Variants in CTNNA3 observed in about 807,000 individuals in gnomAD.
The protein encoded by CTNNA3 is catenin alpha-3.
Under a neutral mutation model 95.7 loss-of-function variants are expected in CTNNA3, and 76 were observed. The observed-to-expected ratio is 0.79, with a 90% CI of 0.66 to 0.96. The LOEUF is 0.96. Among genes scored for constraint, CTNNA3 ranks in the 40% least tolerant of loss-of-function variants. The probability of loss-of-function intolerance (pLI) is 0.00; values close to 1 mark genes in which losing one functional copy is unlikely to be tolerated. For missense variants in CTNNA3, 1,191 were observed against 1,089.8 expected, an observed-to-expected ratio of 1.09 and a Z score of -1.31; for synonymous variants, 431 against 374.4, an observed-to-expected ratio of 1.15 and a Z score of -1.74.
At chr10:66,311,866 C>T (rs1027733783) in intron 12 of CTNNA3, among the ~76,000 whole-genome samples, 1 of 152,078 alleles carries the variant, frequency 6.6e-6, no homozygotes, top group Admixed American at 6.6e-5. Context: ...ATCTCCTGAC[C>T]CTTACGTAGA....
At chr10:67,278,563 A>G (rs1839276463) in intron 5 of CTNNA3, among the ~76,000 whole-genome samples, 1 of 152,134 alleles carries the variant, frequency 6.6e-6, no homozygotes, top group South Asian at 2.1e-4. Flanking sequence ...GATTGTGGAG[A>G]CCAAGTTTTA....
intron 7 of CTNNA3, among the ~76,000 whole-genome samples, chr10:66,958,444 G>C (rs147623330): frequency 1.9e-4 from 23 of 121,592 alleles, no homozygotes; most frequent in Middle Eastern, 3.8e-3. Flanking sequence ...TTCTGCCTTT[G>C]TAGAAAAATA....
chr10:67,047,157 T>C (rs1035421624), intron 7 of CTNNA3, among the ~76,000 whole-genome samples: 10 of 152,180 alleles, frequency 6.6e-5, no homozygotes, highest in African/African-American at 2.2e-4. Context: ...ATATAGAATC[T>C]CTAGTACAAT....
At chr10:66,405,412 T>C (rs1425214709) in intron 11 of CTNNA3, among the ~76,000 whole-genome samples, 1 of 152,168 alleles carries the variant, frequency 6.6e-6, no homozygotes, top group African/African-American at 2.4e-5. Context: ...AAGAAAAATA[T>C]GTCGAATAGA....
chr10:67,150,993 A>G (rs904513901), intron 7 of CTNNA3, among the ~76,000 whole-genome samples: 1 of 152,096 alleles, frequency 6.6e-6, no homozygotes, highest in Admixed American at 6.5e-5. Context: ...TCTTCAAAAA[A>G]CTCTTCTTCA....
chr10:65,919,034 T>C lies in CTNNA3; in HGVS notation c.*1296A>G, dbSNP rs959328271. The C allele has an allele frequency of 3.3e-5, 5 of 152,108 alleles. No homozygotes were observed. Among genetic ancestry groups the C allele is most frequent in the African/African-American group, 1.2e-4 (5 of 41,420 alleles). The allele number at this position is 152,108 out of a possible 1,614,324, so 9.4% of individuals were successfully genotyped here. ...TATTATGATAATGTAGAATAGAAAA[T>C]GTTTTTTAAAGTCTGTGAATCAGAA... On this transcript the variant is annotated 3_prime_UTR_variant, in exon 18 of 18. Transcript: ENST00000433211.
Position 67,662,425 on chromosome 10 carries a change from G to T in CTNNA3, c.-5-14907C>A, listed in dbSNP as rs1213488545. Among the ~76,000 whole-genome samples the T allele has an allele frequency of 1.3e-5, 2 of 152,104 alleles. 1 individual carries two copies. Among genetic ancestry groups the T allele is most frequent in the South Asian group, 4.1e-4 (2 of 4,820 alleles). ...AAAAGTGAAACCATGGATAAGAGGG[G>T]ACTACTGTAGTCAGAAACTAGAAAC... On this transcript the variant is annotated intron_variant, in intron 1 of 17. Transcript: ENST00000433211.
chr10:65,934,691 A>G (rs1354751592), intron 17 of CTNNA3, among the ~76,000 whole-genome samples: 1 of 152,162 alleles, frequency 6.6e-6, no homozygotes, highest in Admixed American at 6.6e-5. Flanking sequence ...TCCCTCAGAA[A>G]GAAATACAAA....
At chr10:67,642,927 C>T (rs572345887) in intron 2 of CTNNA3, among the ~76,000 whole-genome samples, 17,729 of 148,166 alleles carry the variant, frequency 0.12, 1,996 homozygotes, top group African/African-American at 0.3. Context: ...TTCTCAAAGA[C>T]CTAGATGCAG....
chr10:66,432,686 G>C (rs7913951), intron 11 of CTNNA3, among the ~76,000 whole-genome samples: 1 of 149,672 alleles, frequency 6.7e-6, no homozygotes, highest in African/African-American at 2.5e-5. Context: ...AAAAGTTCTG[G>C]TATACATGTG....
At chr10:67,718,209 T>C (rs1250780640) in intron 1 of CTNNA3, among the ~76,000 whole-genome samples, 1 of 152,170 alleles carries the variant, frequency 6.6e-6, no homozygotes, top group Non-Finnish European at 1.5e-5. Flanking sequence ...CTTAAGGAGA[T>C]TTGGAGCTGA....
At position 66,972,855 on chromosome 10, in the gene CTNNA3, C is replaced by T. The variant is rs570097293; in HGVS notation, c.1048-197331G>A. On this transcript the variant is annotated intron_variant, in intron 7 of 17. Transcript: ENST00000433211. ...CCTTCTGAGTAGCTGGAATTACAGG[C>T]GCCTGCCACCACGCCTGGCTAATTG... Among the ~76,000 whole-genome samples the T allele has an allele frequency of 2.3e-4, 35 of 151,540 alleles. No individual in the cohort carries two copies. In the South Asian group the frequency reaches 4.2e-3, roughly 18 times the overall value.
At chr10:67,246,925 A>T (rs1865929849) in intron 5 of CTNNA3, among the ~76,000 whole-genome samples, 1 of 152,178 alleles carries the variant, frequency 6.6e-6, no homozygotes, top group African/African-American at 2.4e-5. Context: ...TTGCTATCTC[A>T]ATGTGAGTGG....
intron 2 of CTNNA3, among the ~76,000 whole-genome samples, chr10:67,640,720 T>C (rs965980961): frequency 4.6e-5 from 7 of 152,152 alleles, no homozygotes; most frequent in Non-Finnish European, 1.0e-4. Flanking sequence ...AACCATCTGA[T>C]CTTTGACAAA....
chr10:66,165,644 A>G (rs1046239182), intron 13 of CTNNA3, among the ~76,000 whole-genome samples: 7 of 152,122 alleles, frequency 4.6e-5, no homozygotes, highest in Non-Finnish European at 1.0e-4. Flanking sequence ...ATTTACAAAG[A>G]GAAGGCACTA....
intron 11 of CTNNA3, among the ~76,000 whole-genome samples, chr10:66,421,301 T>C (rs911829510): frequency 3.9e-5 from 6 of 152,166 alleles, no homozygotes; most frequent in African/African-American, 1.4e-4. Flanking sequence ...GGTTAATAAG[T>C]ACAAACATGT....
chr10:66,525,227 G>T (rs1841211948), intron 10 of CTNNA3, among the ~76,000 whole-genome samples: 2 of 151,146 alleles, frequency 1.3e-5, no homozygotes, highest in Admixed American at 1.3e-4. Flanking sequence ...AAAAGAACTA[G>T]GAGTTGACTG....
At chr10:66,223,359 C>G (rs757469289) in intron 13 of CTNNA3, among the ~76,000 whole-genome samples, 3 of 151,958 alleles carry the variant, frequency 2.0e-5, no homozygotes, top group Non-Finnish European at 2.9e-5. Context: ...TTATAGCAGC[C>G]CTTCAGACCA....
chr10:67,485,905 T>C (rs1209971582), intron 5 of CTNNA3, among the ~76,000 whole-genome samples: 1 of 152,218 alleles, frequency 6.6e-6, no homozygotes, highest in East Asian at 1.9e-4. Context: ...CACTTCTTTG[T>C]TGGTTTTCTT....
Sources: allele counts gnomAD v4.1 joint callset (sites outside exome capture counted in the v4.1 genomes callset), GRCh38; gene constraint gnomAD v4.1.1; transcripts MANE v1.5; gene names NCBI Gene and HGNC (gene_info 2026-07-23, HGNC 2026-07-21).